The following PTPN2 variants were observed in gnomAD, a reference collection of about 807,000 sequenced individuals.
PTPN2 encodes the protein tyrosine-protein phosphatase non-receptor type 2.
A neutral mutation model predicts 57.3 loss-of-function variants in PTPN2; 19 were observed. The observed-to-expected ratio is 0.33, with a 90% CI of 0.23 to 0.49. The LOEUF is 0.49. Ranked by LOEUF, PTPN2 falls within the 20% of genes least tolerant of loss-of-function variation. The probability of loss-of-function intolerance (pLI) is 0.99; values close to 1 mark genes in which losing one functional copy is unlikely to be tolerated. For missense variants in PTPN2, 358 were observed against 501.1 expected, an observed-to-expected ratio of 0.71 and a Z score of 2.73; for synonymous variants, 153 against 164.9, an observed-to-expected ratio of 0.93 and a Z score of 0.55.
At chr18:12,818,381 C>G (rs1249685458) in intron 5 of PTPN2, among the ~76,000 whole-genome samples, 1 of 152,154 alleles carries the variant, frequency 6.6e-6, no homozygotes, top group African/African-American at 2.4e-5. Flanking sequence ...AATTTCCAAT[C>G]CTAAAGCTGT....
At chr18:12,817,766 C>A (rs1212613075) in intron 5 of PTPN2, among the ~76,000 whole-genome samples, 1 of 152,184 alleles carries the variant, frequency 6.6e-6, no homozygotes, top group Non-Finnish European at 1.5e-5. Context: ...CCTTTGGGTT[C>A]TCAGCTACTA....
intron 2 of PTPN2, among the ~76,000 whole-genome samples, chr18:12,838,021 T>C (rs1017100162): frequency 9.2e-5 from 14 of 152,158 alleles, no homozygotes; most frequent in Admixed American, 9.2e-4. Context: ...AAAAACAGTT[T>C]AATCACCCTT....
At chr18:12,827,698 T>A (rs960550) in intron 4 of PTPN2, among the ~76,000 whole-genome samples, 91,632 of 150,846 alleles carry the variant, frequency 0.61, 28,053 homozygotes, top group East Asian at 0.85. Flanking sequence ...AAAAAAAAAA[T>A]TTTTTTTAAG....
At chr18:12,880,180 G>A (rs942115654) in intron 1 of PTPN2, among the ~76,000 whole-genome samples, 1 of 152,102 alleles carries the variant, frequency 6.6e-6, no homozygotes, top group African/African-American at 2.4e-5. Flanking sequence ...AGAGAAGGGG[G>A]GAAAGTTGTG....
At chr18:12,826,780 G>A (rs1404656594) in intron 4 of PTPN2, among the ~76,000 whole-genome samples, 2 of 151,940 alleles carry the variant, frequency 1.3e-5, no homozygotes, top group African/African-American at 4.8e-5. Flanking sequence ...TGTTGGCCAG[G>A]CTGGTCTTGA....
intron 5 of PTPN2, among the ~76,000 whole-genome samples, chr18:12,821,091 T>C (rs1371283721): frequency 6.6e-6 from 1 of 152,146 alleles, no homozygotes; most frequent in Non-Finnish European, 1.5e-5. Context: ...TCTATACAGC[T>C]CTATGACCCC....
At position 12,814,298 on chromosome 18, in the gene PTPN2, G is replaced by T. The variant is rs765608905; in HGVS notation, c.763C>A (p.Arg255=). 5.0e-6 allele frequency: 8 copies of T among 1,608,390 alleles called. No homozygotes were observed. The East Asian group carries it at 1.8e-4, about 36-fold the overall frequency. ...TCTGGGGTCTGAATAAGACCCATTCGGTATTTTCTCATGTTCAGTAACACT... is the reference window on the plus strand; with the variant it reads ...TCTGGGGTCTGAATAAGACCCATTCTGTATTTTCTCATGTTCAGTAACACT... The part of the protein sequence containing the change: ...KQVLLNMRKY[R]MGLIQTPDQL... Residue 255 remains arginine (R), a synonymous_variant, in exon 7 of 9, where the codon CGA becomes AGA. Transcript: ENST00000309660.
At chr18:12,870,868 ATACATGGAT>A (rs1168926664) in intron 1 of PTPN2, among the ~76,000 whole-genome samples, 2 of 152,094 alleles carry the variant, frequency 1.3e-5, no homozygotes, top group Non-Finnish European at 2.9e-5. Flanking sequence ...CTCCCTATGT[ATACATGGAT>A]TACATGGACT....
At chr18:12,813,372 G>A (rs1356447201) in intron 7 of PTPN2, among the ~76,000 whole-genome samples, 3 of 152,304 alleles carry the variant, frequency 2.0e-5, no homozygotes, top group Admixed American at 6.5e-5. Context: ...CAAACATTGC[G>A]TATTTTGGCT....
At chr18:12,833,925 T>C (rs913800502) in intron 3 of PTPN2, among the ~76,000 whole-genome samples, 4 of 152,074 alleles carry the variant, frequency 2.6e-5, no homozygotes, top group Admixed American at 6.5e-5. Flanking sequence ...CTGAAAAACA[T>C]AGAGAGGAAT....
Position 12,884,124 on chromosome 18 carries a change from C to G in PTPN2, c.18G>C (p.Glu6Asp). The change falls in exon 1 of 9, where the codon GAG becomes GAC. Residue 6 changes from glutamate to aspartate, a missense_variant. By Grantham distance (45) the Glu-to-Asp change is conservative (BLOSUM62 2). Around this residue, in one of 4 missense-constraint regions of PTPN2, gnomAD observed 62 missense variants for 47.9 expected, o/e 1.29. Coordinates refer to ENST00000309660, the MANE Select transcript of PTPN2 (RefSeq NM_002828.4). ...GAGTATCCAACTCTTCGAACTCCCGCTCGATGGTGGTGGGCATGGCTGCGG... is the reference window on the plus strand; with the variant it reads ...GAGTATCCAACTCTTCGAACTCCCGGTCGATGGTGGTGGGCATGGCTGCGG... MPTTIEREFEELDTQR... is the reference protein window; with the variant it reads MPTTIDREFEELDTQR... 6.3e-7 allele frequency: 1 copy of G among 1,588,004 alleles called. No individual in the cohort carries two copies. The highest frequency in any genetic ancestry group is 1.8e-5 in the Admixed American group (1 of 56,860).
intron 2 of PTPN2, among the ~76,000 whole-genome samples, chr18:12,858,498 G>T (rs1428937475): frequency 6.6e-6 from 1 of 152,008 alleles, no homozygotes; most frequent in Non-Finnish European, 1.5e-5. Flanking sequence ...CCAACAACAG[G>T]GAACTTATGC....
intron 3 of PTPN2, among the ~76,000 whole-genome samples, chr18:12,835,083 A>C (rs561182273): frequency 1.3e-5 from 2 of 152,128 alleles, no homozygotes; most frequent in Non-Finnish European, 2.9e-5. Flanking sequence ...GGTTGAAAAA[A>C]ATTTGCCTGT....
chr18:12,786,541 G>GT (rs1013374411), intron 9 of PTPN2: 1 of 152,176 alleles, frequency 6.6e-6, no homozygotes, highest in African/African-American at 2.4e-5. Context: ...AATGACTATT[G>GT]TAAGGGCAGT....
chr18:12,859,325 G>T, intron 1 of PTPN2, 71 bp from the exon 2 acceptor site: 1 of 1,068,076 alleles, frequency 9.4e-7, no homozygotes, highest in Non-Finnish European at 1.4e-6. Context: ...TTCCCAGCCA[G>T]CGTAAAATAA....
rs2044214200 is a variant in PTPN2 at position 12,870,452 on chromosome 18, TATATATATATAGAGAGAGAGAGAG to T, written c.70-11222_70-11199del. Among the ~76,000 whole-genome samples the T allele has an allele frequency of 9.7e-5, 4 of 41,216 alleles. No individual in the cohort carries two copies. The East Asian group carries it at 6.2e-3, about 64-fold the overall frequency. The allele number at this position is 41,216 out of a possible 152,430, so 27.0% of individuals were successfully genotyped here. A position where few individuals can be genotyped will look rare whatever the true frequency, so the allele number is the denominator to read the frequency against. On this transcript the variant is annotated intron_variant, in intron 1 of 8. Coordinates refer to ENST00000309660, the MANE Select transcript of PTPN2 (RefSeq NM_002828.4). ...GTATATATATATGTGTATATATATA[TATATATATATAGAGAGAGAGAGAG>T]AGAGAGAGAGAGAGAGAGAGAGAAA...
In PTPN2 at chr18:12,875,918, G is replaced by A. The variant is rs188208130; in HGVS notation, c.69+8155C>T. Among the ~76,000 whole-genome samples the A allele has an allele frequency of 1.9e-3, 289 of 152,250 alleles. 1 individual carries two copies. Among genetic ancestry groups the A allele is most frequent in the African/African-American group, 6.6e-3 (275 of 41,528 alleles). ...GTAACTATCTGGAAAAAGTAAAAAG[G>A]GCTTTTAAGATTCTGGTTGGCCAAG... is the stretch of plus-strand genomic sequence containing the variant. On this transcript the variant is annotated intron_variant, in intron 1 of 8. Transcript: ENST00000309660.
chr18:12,835,382 C>CTTTTTTTTTTTTT (rs60239177), intron 3 of PTPN2, among the ~76,000 whole-genome samples: 2,619 of 98,708 alleles, frequency 0.027, 294 homozygotes, highest in African/African-American at 0.094. Context: ...TCACATATGT[C>CTTTTTTTTTTTTT]TTTTTTTTTT....
chr18:12,840,672 G>A (rs1429135042), intron 2 of PTPN2: 3 of 1,588,796 alleles, frequency 1.9e-6, no homozygotes, highest in Non-Finnish European at 2.6e-6. Flanking sequence ...ACACACTAGA[G>A]CACAAAAATG....
Sources: allele counts gnomAD v4.1 joint callset (sites outside exome capture counted in the v4.1 genomes callset), GRCh38; gene constraint gnomAD v4.1.1; regional missense constraint gnomAD v4.1.1; transcripts MANE v1.5; gene names NCBI Gene and HGNC (gene_info 2026-07-23, HGNC 2026-07-21).